CDK14: variants seen among roughly 807,000 people sequenced by gnomAD.
CDK14 encodes cyclin dependent kinase 14, also known as cyclin-dependent kinase 14.
Under a neutral mutation model 60.7 loss-of-function variants are expected in CDK14, and 34 were observed. The observed-to-expected ratio is 0.56, with a 90% CI of 0.43 to 0.75. The LOEUF is 0.75. Among genes scored for constraint, CDK14 ranks in the 30% least tolerant of loss-of-function variants. The pLI, the probability that CDK14 is intolerant of heterozygous loss-of-function variation, is 0.00. For synonymous variants in CDK14, 197 were observed against 203.7 expected (o/e 0.97, Z 0.28); for missense variants, 482 against 564.1 (o/e 0.85, Z 1.47).
chr7:91,110,985 G>GA (rs1288131599), intron 12 of CDK14, among the ~76,000 whole-genome samples: 1 of 152,112 alleles, frequency 6.6e-6, no homozygotes, highest in Non-Finnish European at 1.5e-5. Flanking sequence ...TCTTAAAGGG[G>GA]AAAAAACTGT....
chr7:90,725,856 G>A (rs1367914444), intron 2 of CDK14, among the ~76,000 whole-genome samples: 1 of 152,100 alleles, frequency 6.6e-6, no homozygotes, highest in Admixed American at 6.6e-5. Context: ...AATGGGTGAA[G>A]AAGGAAGAAG....
At chr7:91,062,110 T>G (rs1363741730) in intron 11 of CDK14, among the ~76,000 whole-genome samples, 2 of 152,088 alleles carry the variant, frequency 1.3e-5, no homozygotes, top group African/African-American at 4.8e-5. Context: ...TGGGCACCCC[T>G]CCCCCAGCCT....
chr7:91,061,031 G>C (rs1197711888), intron 11 of CDK14, among the ~76,000 whole-genome samples: 1 of 152,066 alleles, frequency 6.6e-6, no homozygotes, highest in Non-Finnish European at 1.5e-5. Flanking sequence ...TCACTTTCAG[G>C]TACACCAGTC....
At chr7:91,013,111 G>T (rs1027042623) in intron 10 of CDK14, among the ~76,000 whole-genome samples, 5 of 152,148 alleles carry the variant, frequency 3.3e-5, no homozygotes, top group Admixed American at 6.5e-5. Context: ...AGAGGCAACA[G>T]GTTATCACTA....
intron 14 of CDK14, among the ~76,000 whole-genome samples, chr7:91,138,767 T>C (rs533225070): frequency 1.3e-5 from 2 of 152,300 alleles, no homozygotes; most frequent in Admixed American, 6.5e-5. Flanking sequence ...CCTCTTTTTT[T>C]CCTCATTTTT....
chr7:90,734,431 C>G (rs1212695866), intron 3 of CDK14, among the ~76,000 whole-genome samples: 2 of 152,232 alleles, frequency 1.3e-5, no homozygotes, highest in African/African-American at 4.8e-5. Context: ...TTCTCCCCGT[C>G]ACTTTCAGGT....
Position 90,659,179 on chromosome 7 carries a change from T to C in CDK14, c.123+54930T>C, listed in dbSNP as rs567504999. Reference sequence around the variant, plus strand: ...CTATACGTTGGTTGGTCATTATATATAAAGTGGCATTCCCAGTGTAATCTA... The same window carrying C: ...CTATACGTTGGTTGGTCATTATATACAAAGTGGCATTCCCAGTGTAATCTA... On this transcript the variant is annotated intron_variant, in intron 2 of 14. Coordinates refer to ENST00000380050, the MANE Select transcript of CDK14 (RefSeq NM_001287135.2). 1.0e-3 allele frequency among the ~76,000 whole-genome samples: 154 copies of C among 152,332 alleles called. 1 individual carries two copies. The highest frequency in any genetic ancestry group is 3.6e-3 in the African/African-American group (149 of 41,568).
chr7:90,981,803 G>GAAACAAAACAAAACA (rs3840668), intron 9 of CDK14, among the ~76,000 whole-genome samples: 66,211 of 148,376 alleles, frequency 0.45, 15,987 homozygotes, highest in Non-Finnish European at 0.55. Context: ...GAGAGTTCTA[G>GAAACAAAACAAAACA]AAACAAAACA....
In CDK14 at chr7:90,917,682, C is replaced by G; in HGVS notation, c.784C>G (p.Leu262Val). 1 of 1,613,640 alleles carries G rather than the reference C, an allele frequency of 6.2e-7. No individual in the cohort carries two copies. Among genetic ancestry groups the G allele is most frequent in the Non-Finnish European group, 8.5e-7 (1 of 1,179,656 alleles). Reference sequence around the variant, plus strand: ...GCACAGAGACCTGAAACCACAGAACCTTCTGATCAGTGACACGGGGGAGTT... The same window carrying G: ...GCACAGAGACCTGAAACCACAGAACGTTCTGATCAGTGACACGGGGGAGTT... ...ILHRDLKPQN[L>V]LISDTGELKL... The change falls in exon 8 of 15, where the codon CTT (leucine) becomes GTT (valine). Residue 262 changes from leucine to valine, a missense_variant. Leu to Val is a conservative substitution (Grantham distance 32). Coordinates refer to ENST00000380050, the MANE Select transcript of CDK14 (RefSeq NM_001287135.2).
intron 11 of CDK14, among the ~76,000 whole-genome samples, chr7:91,061,244 G>T (rs1368320808): frequency 1.3e-5 from 2 of 152,192 alleles, no homozygotes; most frequent in Non-Finnish European, 2.9e-5. Flanking sequence ...ATGGTTTTCA[G>T]CTCCATCAGG....
intron 9 of CDK14, 96 bp from the exon 10 acceptor site, chr7:90,984,052 C>T: frequency 1.2e-6 from 1 of 803,954 alleles, no homozygotes; most frequent in Non-Finnish European, 2.2e-6. Flanking sequence ...TTACTCACCG[C>T]TTCTCTTCTG....
intron 5 of CDK14, among the ~76,000 whole-genome samples, chr7:90,837,343 A>G (rs1406446063): frequency 6.7e-6 from 1 of 148,288 alleles, no homozygotes; most frequent in Non-Finnish European, 1.5e-5. Context: ...GCTGGAATGC[A>G]GTGGTACAAT....
chr7:90,975,624 A>G (rs1795046646), intron 9 of CDK14, among the ~76,000 whole-genome samples: 1 of 152,076 alleles, frequency 6.6e-6, no homozygotes, highest in Non-Finnish European at 1.5e-5. Context: ...GGTATAAGAC[A>G]CTAGAACTTA....
chr7:90,677,242 A>T (rs1801220860), intron 2 of CDK14, among the ~76,000 whole-genome samples: 1 of 152,214 alleles, frequency 6.6e-6, no homozygotes, highest in African/African-American at 2.4e-5. Context: ...TTGTTTAAGC[A>T]ATCAGAGTGA....
At chr7:91,105,006 A>G (rs775341032) in intron 12 of CDK14, among the ~76,000 whole-genome samples, 2 of 152,224 alleles carry the variant, frequency 1.3e-5, no homozygotes, top group African/African-American at 2.4e-5. Context: ...ATATATGCCT[A>G]TAGGGAAAAA....
chr7:91,051,691 A>G (rs1000783409), intron 11 of CDK14, among the ~76,000 whole-genome samples: 3 of 152,176 alleles, frequency 2.0e-5, no homozygotes, highest in South Asian at 2.1e-4. Flanking sequence ...GTAAAAATAA[A>G]TCATATTCCT....
At position 91,021,143 on chromosome 7, in the gene CDK14, A is replaced by G. The variant is rs150247980; in HGVS notation, c.1042-24754A>G. On this transcript the variant is annotated intron_variant, in intron 10 of 14. Transcript: ENST00000380050. ...ACAGTGCCTTATATAACATAATGCA[A>G]TCATGGGAGTGACTCTGCCATCACC... Among the ~76,000 whole-genome samples the G allele has an allele frequency of 1.9e-3, 291 of 152,314 alleles. 2 individuals are homozygous for G. In the Middle Eastern group the frequency reaches 0.024, roughly 12 times the overall value.
At chr7:91,079,883 A>G (rs1428892220) in intron 12 of CDK14, among the ~76,000 whole-genome samples, 4 of 152,330 alleles carry the variant, frequency 2.6e-5, no homozygotes, top group Admixed American at 2.6e-4. Flanking sequence ...TTCACTTCGC[A>G]TATTTTTCCC....
chr7:90,615,952 T>A (rs976493772), intron 2 of CDK14, among the ~76,000 whole-genome samples: 1 of 152,146 alleles, frequency 6.6e-6, no homozygotes, highest in African/African-American at 2.4e-5. Context: ...CTCAAGTGAG[T>A]TCAGAGTTTG....
Sources: allele counts gnomAD v4.1 joint callset (sites outside exome capture counted in the v4.1 genomes callset), GRCh38; gene constraint gnomAD v4.1.1; transcripts MANE v1.5; gene names NCBI Gene and HGNC (gene_info 2026-07-23, HGNC 2026-07-21).